LRRTM4: variants seen among roughly 807,000 people sequenced by gnomAD.
The protein encoded by LRRTM4 is leucine-rich repeat transmembrane neuronal protein 4.
A neutral mutation model predicts 47.6 loss-of-function variants in LRRTM4; 25 were observed. That is an observed-to-expected ratio of 0.53 (90% confidence interval 0.38 to 0.73). The LOEUF is 0.73. LRRTM4 is among the 30% of genes least tolerant of loss of function. The pLI, the probability that LRRTM4 is intolerant of heterozygous loss-of-function variation, is 0.00. For missense variants in LRRTM4, 638 were observed against 713.4 expected (o/e 0.89, Z 1.20); for synonymous variants, 311 against 269.5 (o/e 1.15, Z -1.51).
intron 3 of LRRTM4, among the ~76,000 whole-genome samples, chr2:77,256,826 T>C (rs371718774): frequency 6.5e-5 from 9 of 139,106 alleles, no homozygotes; most frequent in East Asian, 6.1e-4. Context: ...ATAAAGTCCA[T>C]AGGGAAGGAA....
chr2:76,834,330 C>T (rs1401069938), intron 3 of LRRTM4, among the ~76,000 whole-genome samples: 1 of 151,660 alleles, frequency 6.6e-6, no homozygotes, highest in East Asian at 1.9e-4. Flanking sequence ...GGATTATAGG[C>T]GTAAGCCACC....
intron 3 of LRRTM4, among the ~76,000 whole-genome samples, chr2:76,764,861 C>T (rs886186493): frequency 2.0e-5 from 3 of 152,172 alleles, no homozygotes; most frequent in Non-Finnish European, 4.4e-5. Context: ...TGGGCTGCCC[C>T]TCCCACCATA....
At chr2:76,795,877 G>A (rs967857932) in intron 3 of LRRTM4, among the ~76,000 whole-genome samples, 1 of 152,068 alleles carries the variant, frequency 6.6e-6, no homozygotes, top group East Asian at 2.0e-4. Flanking sequence ...CAGAAGACGG[G>A]TGATTTCTGC....
At chr2:76,924,224 A>G (rs532159381) in intron 3 of LRRTM4, among the ~76,000 whole-genome samples, 4 of 152,214 alleles carry the variant, frequency 2.6e-5, no homozygotes, top group African/African-American at 9.6e-5. Context: ...TAAAGCAAAA[A>G]ATATATATAA....
At chr2:77,088,189 T>G (rs1195773985) in intron 3 of LRRTM4, among the ~76,000 whole-genome samples, 1 of 152,210 alleles carries the variant, frequency 6.6e-6, no homozygotes. Context: ...ACTGCCTACG[T>G]GGTTAACCCC....
At chr2:77,150,430 T>G (rs976348907) in intron 3 of LRRTM4, among the ~76,000 whole-genome samples, 2 of 152,160 alleles carry the variant, frequency 1.3e-5, no homozygotes, top group African/African-American at 4.8e-5. Flanking sequence ...TCTGCTATAC[T>G]GTTAGCCTAT....
At chr2:76,926,699 T>C (rs1286558852) in intron 3 of LRRTM4, among the ~76,000 whole-genome samples, 1 of 152,122 alleles carries the variant, frequency 6.6e-6, no homozygotes, top group Non-Finnish European at 1.5e-5. Flanking sequence ...TTGCCCTCTC[T>C]TTGTCCTTCT....
intron 3 of LRRTM4, among the ~76,000 whole-genome samples, chr2:76,946,917 C>T (rs892796494): frequency 1.3e-5 from 2 of 151,780 alleles, no homozygotes; most frequent in Non-Finnish European, 2.9e-5. Context: ...GCACACTTGT[C>T]ATACACAGCT....
chr2:77,079,404 A>G (rs1265267617), intron 3 of LRRTM4, among the ~76,000 whole-genome samples: 1 of 152,214 alleles, frequency 6.6e-6, no homozygotes, highest in African/African-American at 2.4e-5. Flanking sequence ...GGATGCTTGT[A>G]TCATACAATT....
chr2:77,065,092 C>T (rs934445580), intron 3 of LRRTM4, among the ~76,000 whole-genome samples: 6 of 152,110 alleles, frequency 3.9e-5, no homozygotes, highest in African/African-American at 1.2e-4. Context: ...GAAAAACAAC[C>T]ATGTATCAAG....
chr2:77,301,635 G>A (rs1294173188), intron 3 of LRRTM4, among the ~76,000 whole-genome samples: 1 of 152,186 alleles, frequency 6.6e-6, no homozygotes, highest in Non-Finnish European at 1.5e-5. Flanking sequence ...TATAATTGCA[G>A]TCGCTTTTAT....
chr2:77,307,195 C>T (rs574796229), intron 3 of LRRTM4, among the ~76,000 whole-genome samples: 6 of 152,006 alleles, frequency 3.9e-5, no homozygotes, highest in East Asian at 1.9e-4. Flanking sequence ...CCACCGCGCC[C>T]GGCCCCCATA....
chr2:76,891,264 G>A (rs1573265035), intron 3 of LRRTM4, among the ~76,000 whole-genome samples: 1 of 151,860 alleles, frequency 6.6e-6, no homozygotes, highest in Non-Finnish European at 1.5e-5. Context: ...AGGTTCTCAA[G>A]GAAATTTAGC....
At chr2:77,183,412 A>G (rs1055068249) in intron 3 of LRRTM4, among the ~76,000 whole-genome samples, 2 of 152,184 alleles carry the variant, frequency 1.3e-5, no homozygotes, top group African/African-American at 4.8e-5. Context: ...AATGGCGATC[A>G]TTAAAAAGTC....
intron 3 of LRRTM4, among the ~76,000 whole-genome samples, chr2:76,811,235 A>G (rs1223428234): frequency 6.6e-6 from 1 of 152,184 alleles, no homozygotes; most frequent in African/African-American, 2.4e-5. Context: ...TAGGCACCCA[A>G]TGAATATGTT....
At chr2:77,062,173 G>A (rs894652672) in intron 3 of LRRTM4, among the ~76,000 whole-genome samples, 4 of 151,976 alleles carry the variant, frequency 2.6e-5, no homozygotes, top group African/African-American at 9.7e-5. Context: ...ATAACTTTCT[G>A]CATATTTACA....
At chr2:77,142,457 A>G (rs1045805347) in intron 3 of LRRTM4, among the ~76,000 whole-genome samples, 2 of 146,758 alleles carry the variant, frequency 1.4e-5, no homozygotes, top group African/African-American at 2.6e-5. Context: ...ACACACACAC[A>G]CTTATCTCAA....
intron 3 of LRRTM4, among the ~76,000 whole-genome samples, chr2:77,076,107 C>T (rs1169273302): frequency 6.6e-6 from 1 of 151,948 alleles, no homozygotes; most frequent in East Asian, 1.9e-4. Flanking sequence ...CATTTTCATT[C>T]TCTTGGAGCC....
intron 3 of LRRTM4, among the ~76,000 whole-genome samples, chr2:77,449,956 T>C (rs979929231): frequency 6.6e-6 from 1 of 152,208 alleles, no homozygotes; most frequent in African/African-American, 2.4e-5. Flanking sequence ...GTATACTAAA[T>C]ACTTAAGCAG....
Sources: allele counts gnomAD v4.1 joint callset (sites outside exome capture counted in the v4.1 genomes callset), GRCh38; gene constraint gnomAD v4.1.1; transcripts MANE v1.5; gene names NCBI Gene and HGNC (gene_info 2026-07-23, HGNC 2026-07-21).